GON7: variants seen among roughly 807,000 people sequenced by gnomAD.
GON7 encodes EKC/KEOPS complex subunit GON7.
A neutral mutation model predicts 7.6 loss-of-function variants in GON7; 2 were observed. The ratio of observed to expected loss-of-function variants is 0.26; its 90% CI spans 0.11 to 0.83. The LOEUF is 0.83. GON7 is among the 40% of genes least tolerant of loss of function. The probability of loss-of-function intolerance (pLI) is 0.65; values close to 1 mark genes in which losing one functional copy is unlikely to be tolerated. For missense variants in GON7, 121 were observed against 132.2 expected, an observed-to-expected ratio of 0.92 and a Z score of 0.42; for synonymous variants, 54 against 56.6, an observed-to-expected ratio of 0.95 and a Z score of 0.20.
chr14:93,205,199 A>T (rs983678031), intron 1 of GON7, among the ~76,000 whole-genome samples: 2 of 152,202 alleles, frequency 1.3e-5, no homozygotes, highest in African/African-American at 4.8e-5. Flanking sequence ...AAGGTCTCCA[A>T]TTTCTTCACA....
chr14:93,205,951 TC>T (rs1228932897), intron 1 of GON7, among the ~76,000 whole-genome samples: 3 of 152,114 alleles, frequency 2.0e-5, no homozygotes, highest in Non-Finnish European at 4.4e-5. Flanking sequence ...TCTGAAGACT[TC>T]CTAGGGTGTC....
chr14:93,204,089 G>A (rs1449222378), intron 1 of GON7, among the ~76,000 whole-genome samples: 1 of 152,090 alleles, frequency 6.6e-6, no homozygotes, highest in Non-Finnish European at 1.5e-5. Context: ...TCCGCCTCCG[G>A]GGTTCAAGCG....
At chr14:93,206,781 G>A in intron 1 of GON7, 49 bp downstream of exon 1, 2 of 1,549,730 alleles carry the variant, frequency 1.3e-6, no homozygotes, top group South Asian at 1.2e-5. Context: ...AATTTCCCCT[G>A]GGCGCCCGCC....
rs1226332607 is a variant in GON7, at chr14:93,203,812, ATACGTT to A, written c.209-36_209-31del. 7 of 1,553,054 alleles carry A rather than the reference ATACGTT, an allele frequency of 4.5e-6. No homozygotes were observed. The African/African-American group carries it at 9.5e-5, about 21-fold the overall frequency. On this transcript the variant is annotated intron_variant, in intron 1 of 1. Transcript: ENST00000306954. ...TAAAATAAATATTTGTTGTATGACA[ATACGTT>A]CTATGGCTGAAAGAAATATATATAG...
At chr14:93,206,404 C>T (rs887420146) in intron 1 of GON7, among the ~76,000 whole-genome samples, 1 of 152,096 alleles carries the variant, frequency 6.6e-6, no homozygotes, top group East Asian at 1.9e-4. Context: ...TCCTCCAGGG[C>T]TCAGCTCAGG....
In GON7 at chr14:93,206,882, T is replaced by G. The variant is rs991937862; in HGVS notation, c.156A>C (p.Val52=). ...DMVTELFDPL[V]QGEVQHRVAA... is the part of the protein sequence containing the mutation. Reference sequence around the variant, plus strand: ...CCACCCGGTGCTGCACTTCCCCCTGTACCAGAGGGTCGAATAATTCCGTTA... The same window carrying G: ...CCACCCGGTGCTGCACTTCCCCCTGGACCAGAGGGTCGAATAATTCCGTTA... Residue 52 remains valine (V), a synonymous_variant, in exon 1 of 2, where the codon GTA becomes GTC. Coordinates refer to ENST00000306954, the MANE Select transcript of GON7 (RefSeq NM_032490.5). The G allele has an allele frequency of 1.9e-6, 3 of 1,614,028 alleles. No homozygotes were observed. The African/African-American group carries it at 4.0e-5, about 22-fold the overall frequency.
chr14:93,204,817 T>C (rs185119536), intron 1 of GON7, among the ~76,000 whole-genome samples: 1 of 152,312 alleles, frequency 6.6e-6, no homozygotes, highest in Admixed American at 6.5e-5. Context: ...ATATTTGCAT[T>C]ATTTCTATTT....
At chr14:93,203,843 G>T in intron 1 of GON7, 61 bp from the exon 2 acceptor site, 1 of 1,294,244 alleles carries the variant, frequency 7.7e-7, no homozygotes, top group Non-Finnish European at 1.1e-6. Flanking sequence ...AATATATATA[G>T]CTAAAGTGGT....
intron 1 of GON7, among the ~76,000 whole-genome samples, chr14:93,204,863 G>T (rs926968832): frequency 2.0e-5 from 3 of 151,888 alleles, no homozygotes; most frequent in Non-Finnish European, 2.9e-5. Context: ...AAGAGATGAG[G>T]CCTCACTCTG....
chr14:93,206,250 C>G (rs1894341248), intron 1 of GON7, among the ~76,000 whole-genome samples: 1 of 152,168 alleles, frequency 6.6e-6, no homozygotes, highest in African/African-American at 2.4e-5. Flanking sequence ...ACCTCGTGAT[C>G]TGCCTGCCTC....
At chr14:93,204,883 C>T (rs147871935) in intron 1 of GON7, among the ~76,000 whole-genome samples, 1 of 152,124 alleles carries the variant, frequency 6.6e-6, no homozygotes, top group Non-Finnish European at 1.5e-5. Context: ...GTCCTCCAGG[C>T]TGGAGTGCAG....
chr14:93,203,766 A>C lies in GON7; in HGVS notation c.225T>G (p.Asp75Glu), dbSNP rs1255867914. The C allele has an allele frequency of 1.2e-6, 2 of 1,612,988 alleles. No homozygotes were observed. The highest frequency in any genetic ancestry group is 1.7e-6 in the Non-Finnish European group (2 of 1,179,196). The change falls in exon 2 of 2, where the codon GAT (aspartate) becomes GAG (glutamate). Residue 75 changes from aspartate to glutamate, a missense_variant. Asp to Glu is a conservative substitution (Grantham distance 45). Transcript: ENST00000306954. ...DEDLDGDDEDDAEDENNIDNR... is the reference protein window; with the variant it reads ...DEDLDGDDEDEAEDENNIDNR... ...TATCAATGTTATTTTCATCTTCTGCATCATCTTCATCATCACCTTTTAAAA... is the reference window on the plus strand; with the variant it reads ...TATCAATGTTATTTTCATCTTCTGCCTCATCTTCATCATCACCTTTTAAAA...
Position 93,203,707 on chromosome 14 carries a change from C to T in GON7, c.284G>A (p.Arg95Gln), listed in dbSNP as rs1000334105. 6.2e-6 allele frequency: 10 copies of T among 1,613,822 alleles called. No homozygotes were observed. The highest frequency in any genetic ancestry group is 2.2e-5 in the East Asian group (1 of 44,854). ...RTNFDGPSAK[R>Q]PKTPS ...CTATTGTTAAGACGGTGTTTTTGGC[C>T]GTTTTGCAGATGGTCCATCGAAGTT... The change falls in exon 2 of 2, where the codon CGG (arginine) becomes CAG (glutamine). Residue 95 changes from arginine (R) to glutamine (Q), a missense_variant. By Grantham distance (43) the Arg-to-Gln change is conservative. Transcript: ENST00000306954.
rs1894286136 is a variant in GON7, at chr14:93,203,402, GA to G, written c.*285del. The stretch of plus-strand genomic sequence containing the variant: ...CAAATCAATGATTATTTTAAAAATA[GA>G]AAACAATGATAAAAATTCAGTTGCC... On this transcript the variant is annotated 3_prime_UTR_variant, in exon 2 of 2. Coordinates refer to ENST00000306954, the MANE Select transcript of GON7 (RefSeq NM_032490.5). 2.9e-6 allele frequency: 1 copy of G among 339,722 alleles called. No homozygotes were observed. Among genetic ancestry groups the G allele is most frequent in the Non-Finnish European group, 5.3e-6 (1 of 187,422 alleles). The allele number at this position is 339,722 out of a possible 1,614,324, so 21.0% of individuals were successfully genotyped here. A position where few individuals can be genotyped will look rare whatever the true frequency, so the allele number is the denominator to read the frequency against.
At chr14:93,204,714 T>C (rs988575153) in intron 1 of GON7, among the ~76,000 whole-genome samples, 3 of 152,262 alleles carry the variant, frequency 2.0e-5, no homozygotes, top group Non-Finnish European at 2.9e-5. Flanking sequence ...ATTCATGTTG[T>C]AGCACATGTT....
chr14:93,205,700 T>C (rs1371580084), intron 1 of GON7, among the ~76,000 whole-genome samples: 1 of 151,898 alleles, frequency 6.6e-6, no homozygotes, highest in Admixed American at 6.6e-5. Flanking sequence ...TATTTCTGCA[T>C]TCGAGGCAAT....
intron 1 of GON7, among the ~76,000 whole-genome samples, chr14:93,205,230 T>C (rs553117450): frequency 6.6e-6 from 1 of 152,336 alleles, no homozygotes; most frequent in South Asian, 2.1e-4. Flanking sequence ...CACTTGTTAT[T>C]GTTCTTTTTG....
At chr14:93,204,145 G>A (rs891448392) in intron 1 of GON7, among the ~76,000 whole-genome samples, 16 of 151,972 alleles carry the variant, frequency 1.1e-4, no homozygotes, top group Non-Finnish European at 1.6e-4. Context: ...ACAGGCACGC[G>A]CTACCACGCC....
Position 93,207,049 on chromosome 14 carries a change from A to C in GON7, c.-12T>G, listed in dbSNP as rs980962564. On this transcript the variant is annotated 5_prime_UTR_variant, in exon 1 of 2. Coordinates refer to ENST00000306954, the MANE Select transcript of GON7 (RefSeq NM_032490.5). ...CCCAGCAGCTCCATGGTGACCGCTA[A>C]GCTTCCAGAACACGACACCGGGAAG... The C allele has an allele frequency of 1.9e-6, 3 of 1,612,226 alleles. No homozygotes were observed. In the African/African-American group the frequency reaches 4.0e-5, roughly 22 times the overall value.
Sources: gnomAD v4.1 joint callset for allele counts (sites outside exome capture counted in the v4.1 genomes callset) on GRCh38, gnomAD v4.1.1 for gene constraint, MANE v1.5 for transcripts, NCBI Gene and HGNC (gene_info 2026-07-23, HGNC 2026-07-21) for gene names.